Variants in DLG1 observed in about 807,000 individuals in gnomAD.
The protein encoded by DLG1 is disks large homolog 1.
In DLG1, 42 loss-of-function variants were observed where a neutral mutation model predicts 123.4. The ratio of observed to expected loss-of-function variants is 0.34; its 90% CI spans 0.27 to 0.44. The LOEUF is 0.44. Among genes scored for constraint, DLG1 ranks in the 20% least tolerant of loss-of-function variants. DLG1 has a pLI of 1.00. For missense variants in DLG1, 942 were observed against 1,082.6 expected (o/e 0.87, Z 1.82); for synonymous variants, 317 against 356.2 (o/e 0.89, Z 1.24).
At chr3:197,297,523 A>C (rs1019299242) in intron 1 of DLG1, 213 of 1,190,628 alleles carry the variant, frequency 1.8e-4, no homozygotes, top group Non-Finnish European at 2.1e-4. Context: ...CTTCCCCCGC[A>C]CAAGTATCCA....
At chr3:197,297,101 CAAACGATTCTA>C (rs1204301144) in intron 2 of DLG1, 74 bp downstream of exon 2, 1 of 1,475,996 alleles carries the variant, frequency 6.8e-7, no homozygotes, top group Non-Finnish European at 9.5e-7. Context: ...CAAAGTTACA[CAAACGATTCTA>C]AAACGGCAAT....
rs759671659 is a variant in DLG1, at chr3:197,198,143, C to CA, written c.319-3555dup. Among the ~76,000 whole-genome samples the CA allele has an allele frequency of 1.4e-3, 80 of 58,748 alleles. No individual in the cohort carries two copies. In the East Asian group the frequency reaches 0.029, roughly 21 times the overall value. The allele number at this position is 58,748 out of a possible 152,430, so 38.5% of individuals were successfully genotyped here. Reference sequence around the variant, plus strand: ...CTCATCAAAACAAAACAAAACAAAACAAACAAAAAAATACTTTTGTTCATC... The same window carrying CA: ...CTCATCAAAACAAAACAAAACAAAACAAAACAAAAAAATACTTTTGTTCATC... On this transcript the variant is annotated intron_variant, in intron 4 of 24. Coordinates refer to ENST00000667157, the MANE Select transcript of DLG1 (RefSeq NM_001366207.1).
chr3:197,110,937 G>C (rs1475840632), intron 13 of DLG1, among the ~76,000 whole-genome samples: 2 of 152,082 alleles, frequency 1.3e-5, no homozygotes, highest in Non-Finnish European at 2.9e-5. Context: ...GCCTTTTCTA[G>C]TCTTTCCTGA....
At chr3:197,056,764 G>A (rs1731973949) in intron 23 of DLG1, among the ~76,000 whole-genome samples, 1 of 152,136 alleles carries the variant, frequency 6.6e-6, no homozygotes, top group South Asian at 2.1e-4. Context: ...GTATACTTAG[G>A]TCAAGACACA....
At chr3:197,088,258 A>G (rs1476947998) in intron 15 of DLG1, among the ~76,000 whole-genome samples, 1 of 152,210 alleles carries the variant, frequency 6.6e-6, no homozygotes, top group Non-Finnish European at 1.5e-5. Context: ...ACCTCCAAGA[A>G]AATAGGATAG....
intron 4 of DLG1, among the ~76,000 whole-genome samples, chr3:197,233,859 A>G (rs1744580597): frequency 6.6e-6 from 1 of 152,252 alleles, no homozygotes; most frequent in Non-Finnish European, 1.5e-5. Flanking sequence ...CATGACTCCT[A>G]TCTCATACAG....
In DLG1 at chr3:197,227,205, A is replaced by C. The variant is rs146482446; in HGVS notation, c.319-32616T>G. 8.5e-5 allele frequency among the ~76,000 whole-genome samples: 13 copies of C among 152,298 alleles called. No individual in the cohort carries two copies. In the East Asian group the frequency reaches 2.5e-3, roughly 29 times the overall value. ...CTAATGAAGACTGTCAACTTTTACA[A>C]AACTGCCTGTAATCCCAGCACTTCA... On this transcript the variant is annotated intron_variant, in intron 4 of 24. Coordinates refer to ENST00000667157, the MANE Select transcript of DLG1 (RefSeq NM_001366207.1).
chr3:197,069,291 A>C, intron 18 of DLG1, 31 bp from the exon 19 acceptor site: 1 of 1,523,196 alleles, frequency 6.6e-7, no homozygotes, highest in South Asian at 1.2e-5. Context: ...AAAAAAATAA[A>C]ACAGTGTCAT....
At chr3:197,147,650 T>C (rs146221692) in intron 6 of DLG1, among the ~76,000 whole-genome samples, 11 of 152,092 alleles carry the variant, frequency 7.2e-5, no homozygotes, top group African/African-American at 2.2e-4. Flanking sequence ...GAATGATACA[T>C]TGGCATTTGG....
intron 5 of DLG1, among the ~76,000 whole-genome samples, chr3:197,157,173 T>C (rs1273103008): frequency 2.0e-5 from 3 of 152,184 alleles, no homozygotes; most frequent in Non-Finnish European, 2.9e-5. Context: ...GTTGAAGTTG[T>C]TGTCAAAGCA....
chr3:197,221,161 A>G (rs1245092817), intron 4 of DLG1, among the ~76,000 whole-genome samples: 1 of 152,216 alleles, frequency 6.6e-6, no homozygotes, highest in African/African-American at 2.4e-5. Context: ...GTGTAATGGT[A>G]GCTCTTTTGC....
intron 14 of DLG1, among the ~76,000 whole-genome samples, chr3:197,093,967 T>C (rs1235757456): frequency 6.6e-6 from 1 of 152,176 alleles, no homozygotes; most frequent in South Asian, 2.1e-4. Context: ...AAGGTCAGAT[T>C]AGAAGAGGCC....
At chr3:197,195,319 A>G (rs917990401) in intron 4 of DLG1, among the ~76,000 whole-genome samples, 3 of 152,050 alleles carry the variant, frequency 2.0e-5, no homozygotes, top group Admixed American at 2.0e-4. Context: ...ACATAAAGTG[A>G]TATTTTTTTA....
At chr3:197,203,601 A>G (rs1306582959) in intron 4 of DLG1, among the ~76,000 whole-genome samples, 1 of 152,202 alleles carries the variant, frequency 6.6e-6, no homozygotes. Flanking sequence ...ACAGGTTAAA[A>G]GTAGAGGAAA....
At chr3:197,139,359 T>C (rs1451176672) in intron 8 of DLG1, among the ~76,000 whole-genome samples, 2 of 152,194 alleles carry the variant, frequency 1.3e-5, no homozygotes, top group African/African-American at 4.8e-5. Flanking sequence ...ATTTCATTAA[T>C]ATACCACCTG....
intron 4 of DLG1, among the ~76,000 whole-genome samples, chr3:197,201,171 C>G (rs539268044): frequency 6.6e-6 from 1 of 152,274 alleles, no homozygotes; most frequent in South Asian, 2.1e-4. Flanking sequence ...ATCACGAGGT[C>G]AGGAGATCGA....
intron 15 of DLG1, among the ~76,000 whole-genome samples, chr3:197,086,317 G>A (rs9868318): frequency 0.3 from 46,049 of 151,998 alleles, 7,720 homozygotes; most frequent in African/African-American, 0.43. Context: ...ATATTTTGGA[G>A]AAAGTAATAA....
intron 14 of DLG1, among the ~76,000 whole-genome samples, chr3:197,101,129 C>T (rs536853414): frequency 2.0e-5 from 3 of 152,194 alleles, no homozygotes; most frequent in South Asian, 2.1e-4. Context: ...TTCACAGGCC[C>T]GTTACTGAAC....
chr3:197,255,294 G>A (rs562548795), intron 4 of DLG1, among the ~76,000 whole-genome samples: 1 of 152,082 alleles, frequency 6.6e-6, no homozygotes, highest in Non-Finnish European at 1.5e-5. Flanking sequence ...ATAAGAGGTG[G>A]CATTGGAAAT....
Sources: gnomAD v4.1 joint callset for allele counts (sites outside exome capture counted in the v4.1 genomes callset) on GRCh38, gnomAD v4.1.1 for gene constraint, MANE v1.5 for transcripts, NCBI Gene and HGNC (gene_info 2026-07-23, HGNC 2026-07-21) for gene names.